DNASE1: variants seen among roughly 807,000 people sequenced by gnomAD.
DNASE1 encodes deoxyribonuclease 1.
DNASE1 carries 40 observed loss-of-function variants against 33.9 expected under a neutral mutation model. That is an observed-to-expected ratio of 1.18 (90% CI 0.92 to 1.54). DNASE1 has a LOEUF of 1.54. Ranked by LOEUF, DNASE1 falls within the 40% of genes most tolerant of loss-of-function variation. The probability of loss-of-function intolerance (pLI) is 0.00; values close to 1 mark genes in which losing one functional copy is unlikely to be tolerated. For missense variants in DNASE1, 518 were observed against 372.6 expected, an observed-to-expected ratio of 1.39 and a Z score of -3.21; for synonymous variants, 216 against 160.0, an observed-to-expected ratio of 1.35 and a Z score of -2.64.
chr16:3,661,506 A>T (rs2043072535), downstream of DNASE1: 1 of 152,780 alleles, frequency 6.5e-6, no homozygotes, highest in Non-Finnish European at 1.5e-5. Flanking sequence ...TCTGACCAAG[A>T]ACCACCGGAG....
intron 2 of DNASE1, 80 bp downstream of exon 2, chr16:3,655,600 C>A: frequency 6.2e-7 from 1 of 1,601,390 alleles, no homozygotes; most frequent in Non-Finnish European, 8.5e-7. Flanking sequence ...CCCTATGGAG[C>A]CACAGGGTGT....
chr16:3,651,228 A>G (rs979745970), upstream of DNASE1: 10 of 152,208 alleles, frequency 6.6e-5, no homozygotes, highest in African/African-American at 2.4e-4. Context: ...TTTATCCTGT[A>G]ATTTCAGCCA....
rs1366217719 is a variant in DNASE1, at chr16:3,615,950, G to A, written c.-1359+3944G>A. 2.6e-5 allele frequency among the ~76,000 whole-genome samples: 4 copies of A among 152,302 alleles called. No individual in the cohort carries two copies. In the East Asian group the frequency reaches 7.7e-4, roughly 29 times the overall value. ...TGTCCACCTCCCTCTCCTTTATCTT[G>A]ACAGGGGTTGGGGAGACAGCAGATT... is the stretch of plus-strand genomic sequence containing the variant. On this transcript the variant is annotated intron_variant and NMD_transcript_variant, in intron 1 of 11. Coordinates refer to the DNASE1 transcript ENST00000570769.
At chr16:3,634,848 A>AC (rs1221394156) in intron 1 of DNASE1, among the ~76,000 whole-genome samples, 1 of 151,644 alleles carries the variant, frequency 6.6e-6, no homozygotes, top group Non-Finnish European at 1.5e-5. Context: ...TCAGAGTGTT[A>AC]CTATGTGGCC....
At chr16:3,617,773 C>T (rs2041160955) in intron 1 of DNASE1, among the ~76,000 whole-genome samples, 2 of 151,942 alleles carry the variant, frequency 1.3e-5, no homozygotes, top group Non-Finnish European at 2.9e-5. Context: ...AGGTGAGACT[C>T]CATTTTTACA....
At chr16:3,641,139 C>T (rs908321023), upstream of DNASE1, 5 of 394,920 alleles carry the variant, frequency 1.3e-5, no homozygotes, top group African/African-American at 8.2e-5. Flanking sequence ...GCCAGCATGG[C>T]CCTGCTGCAG....
chr16:3,641,304 T>A (rs2042015902), upstream of DNASE1: 1 of 185,056 alleles, frequency 5.4e-6, no homozygotes, highest in East Asian at 1.3e-4. Flanking sequence ...CTGCGATTCC[T>A]GGGGAGGCTG....
At chr16:3,622,047 C>G (rs1393098346) in intron 1 of DNASE1, among the ~76,000 whole-genome samples, 1 of 151,954 alleles carries the variant, frequency 6.6e-6, no homozygotes, top group Admixed American at 6.6e-5. Flanking sequence ...ATGTTGAAAC[C>G]CCGTCTTTAC....
chr16:3,641,648 C>T (rs145928681), upstream of DNASE1, among the ~76,000 whole-genome samples: 577 of 152,338 alleles, frequency 3.8e-3, 3 homozygotes, highest in African/African-American at 0.013. Context: ...GCTTTCTGCA[C>T]GTGTCGCGGC....
At chr16:3,613,937 A>G (rs2041004210) in intron 1 of DNASE1, among the ~76,000 whole-genome samples, 1 of 134,504 alleles carries the variant, frequency 7.4e-6, no homozygotes, top group Non-Finnish European at 1.5e-5. Flanking sequence ...TTTTTGGACA[A>G]AATCTCGCTC....
intron 1 of DNASE1, among the ~76,000 whole-genome samples, chr16:3,633,579 G>A (rs979665599): frequency 6.7e-6 from 1 of 150,188 alleles, no homozygotes; most frequent in Admixed American, 6.7e-5. Flanking sequence ...TTGCACTCTA[G>A]CCTGGTTGAC....
intron 7 of DNASE1, 88 bp downstream of exon 7, chr16:3,657,429 C>G: frequency 2.6e-6 from 4 of 1,525,034 alleles, no homozygotes; most frequent in Non-Finnish European, 3.6e-6. Context: ...GCCTCAAAGC[C>G]TTTGAACACT....
chr16:3,638,134 TGTGTG>T (rs1263880801), upstream of DNASE1, among the ~76,000 whole-genome samples: 2 of 151,676 alleles, frequency 1.3e-5, no homozygotes, highest in African/African-American at 4.9e-5. Flanking sequence ...TGTGTGTGTG[TGTGTG>T]TTTTTCCCAG....
At chr16:3,648,301 G>A (rs1172001949) in intron 1 of DNASE1, among the ~76,000 whole-genome samples, 1 of 151,516 alleles carries the variant, frequency 6.6e-6, no homozygotes, top group Admixed American at 6.6e-5. Flanking sequence ...GGTGGCTCAC[G>A]CCTGTAATCC....
At chr16:3,655,343 G>T in intron 1 of DNASE1, 30 bp from the exon 2 acceptor site, 1 of 1,613,536 alleles carries the variant, frequency 6.2e-7, no homozygotes, top group Non-Finnish European at 8.5e-7. Context: ...TCTCACTTCT[G>T]TTATGTCTCT....
At chr16:3,622,490 T>C (rs1295664187) in intron 1 of DNASE1, among the ~76,000 whole-genome samples, 1 of 152,212 alleles carries the variant, frequency 6.6e-6, no homozygotes, top group Non-Finnish European at 1.5e-5. Flanking sequence ...ATCTTTTTCC[T>C]ATTGGTTTGT....
chr16:3,662,899 G>A (rs1258262587), downstream of DNASE1: 8 of 1,613,324 alleles, frequency 5.0e-6, no homozygotes, highest in African/African-American at 2.7e-5. Context: ...TTGGTGACAC[G>A]CGACCCCAGC....
chr16:3,658,952 AAGAAGCACAGT>A (rs751375081), downstream of DNASE1: 28 of 1,376,560 alleles, frequency 2.0e-5, no homozygotes, highest in Middle Eastern at 1.8e-4. Context: ...AGGATATTTA[AAGAAGCACAGT>A]AAGACTGTCT....
intron 1 of DNASE1, among the ~76,000 whole-genome samples, chr16:3,614,531 T>A (rs1377356579): frequency 6.6e-6 from 1 of 152,162 alleles, no homozygotes; most frequent in Non-Finnish European, 1.5e-5. Flanking sequence ...ATTTTAGGAT[T>A]GGATAATTTA....
Sources: gnomAD v4.1 joint callset for allele counts (sites outside exome capture counted in the v4.1 genomes callset) on GRCh38, gnomAD v4.1.1 for gene constraint, MANE v1.5 for transcripts, NCBI Gene and HGNC (gene_info 2026-07-23, HGNC 2026-07-21) for gene names.